The following TENM3 variants were observed in gnomAD, a reference collection of about 807,000 sequenced individuals.
TENM3 encodes the protein teneurin-3.
In TENM3, 63 loss-of-function variants were observed where a neutral mutation model predicts 255.1. That is an observed-to-expected ratio of 0.25 (90% CI 0.20 to 0.30). The LOEUF is 0.30. Among genes scored for constraint, TENM3 ranks in the 10% least tolerant of loss-of-function variants. TENM3 has a pLI of 1.00. For missense variants in TENM3, 2,929 were observed against 3,461.1 expected, an observed-to-expected ratio of 0.85 and a Z score of 3.86; for synonymous variants, 1,306 against 1,322.3, an observed-to-expected ratio of 0.99 and a Z score of 0.27.
intron 1 of TENM3, among the ~76,000 whole-genome samples, chr4:182,264,172 T>C (rs949924439): frequency 6.6e-6 from 1 of 152,224 alleles, no homozygotes; most frequent in Non-Finnish European, 1.5e-5. Flanking sequence ...GAAAAAGAAT[T>C]CTAAGGCTAG....
chr4:182,382,520 A>G (rs1767643816), intron 3 of TENM3, among the ~76,000 whole-genome samples: 2 of 152,206 alleles, frequency 1.3e-5, no homozygotes, highest in East Asian at 1.9e-4. Context: ...TTAGAGAACC[A>G]TGGGCTAAAT....
At chr4:182,084,532 T>C in the TENM3 span, among the ~76,000 whole-genome samples, 4 of 152,306 alleles carry the variant, frequency 2.6e-5, no homozygotes, top group African/African-American at 9.6e-5. Context: ...TTGGCTAAAA[T>C]ATTGCACCTC....
intron 3 of TENM3, among the ~76,000 whole-genome samples, chr4:182,383,889 C>A (rs566980282): frequency 6.6e-6 from 1 of 152,324 alleles, no homozygotes; most frequent in South Asian, 2.1e-4. Flanking sequence ...AGCAGCGGTT[C>A]TACCCTAAGA....
the TENM3 span, among the ~76,000 whole-genome samples, chr4:182,107,985 C>A: frequency 6.6e-6 from 1 of 152,128 alleles, no homozygotes; most frequent in Non-Finnish European, 1.5e-5. Context: ...TTTGTTTTGA[C>A]ATTTTTCTGT....
the TENM3 span, among the ~76,000 whole-genome samples, chr4:181,586,733 G>A: frequency 2.6e-4 from 40 of 152,186 alleles, no homozygotes; most frequent in South Asian, 7.9e-3. Flanking sequence ...CTAGCTACTC[G>A]GGAGGCCAAG....
chr4:182,390,257 A>C (rs1279383496), intron 3 of TENM3, among the ~76,000 whole-genome samples: 1 of 152,182 alleles, frequency 6.6e-6, no homozygotes, highest in South Asian at 2.1e-4. Flanking sequence ...GCCCAGTCCC[A>C]GTGTTTTAAA....
At chr4:181,499,098 A>G in the TENM3 span, among the ~76,000 whole-genome samples, 13 of 152,280 alleles carry the variant, frequency 8.5e-5, no homozygotes, top group East Asian at 2.3e-3. Context: ...TCAGTTCCCA[A>G]TAATAGATAA....
the TENM3 span, among the ~76,000 whole-genome samples, chr4:181,590,724 A>G: frequency 6.6e-6 from 1 of 152,356 alleles, no homozygotes; most frequent in East Asian, 1.9e-4. Context: ...CAAGGAGTTC[A>G]CAGAGAAATT....
At chr4:182,712,291 C>G (rs1473993917) in intron 12 of TENM3, among the ~76,000 whole-genome samples, 1 of 152,088 alleles carries the variant, frequency 6.6e-6, no homozygotes, top group Admixed American at 6.5e-5. Context: ...TACCTACTTT[C>G]TATTCCTTGT....
At chr4:181,710,348 G>C in the TENM3 span, among the ~76,000 whole-genome samples, 5 of 152,066 alleles carry the variant, frequency 3.3e-5, no homozygotes, top group Admixed American at 3.3e-4. Flanking sequence ...AAATGCTGAC[G>C]AGGACCAAAT....
the TENM3 span, among the ~76,000 whole-genome samples, chr4:182,042,951 C>T: frequency 6.6e-6 from 1 of 150,648 alleles, no homozygotes; most frequent in Admixed American, 6.6e-5. Context: ...GAGTTTTTTG[C>T]TATTCCATTT....
chr4:181,843,460 G>T, the TENM3 span, among the ~76,000 whole-genome samples: 145,181 of 152,242 alleles, frequency 0.95, 69,599 homozygotes, highest in East Asian at 1. Context: ...CTTGTGAGGC[G>T]CCAGTATACT....
At chr4:181,558,744 C>T in the TENM3 span, among the ~76,000 whole-genome samples, 6 of 152,202 alleles carry the variant, frequency 3.9e-5, no homozygotes, top group African/African-American at 7.2e-5. Flanking sequence ...AGCTATATCA[C>T]CAACTGCAAT....
At chr4:182,627,909 A>G (rs1750982839) in intron 4 of TENM3, among the ~76,000 whole-genome samples, 3 of 152,146 alleles carry the variant, frequency 2.0e-5, no homozygotes, top group Admixed American at 6.5e-5. Flanking sequence ...TGGTTAGGGA[A>G]TGTTTCCGTA....
intron 12 of TENM3, among the ~76,000 whole-genome samples, chr4:182,704,481 G>T (rs1186013738): frequency 6.6e-6 from 1 of 152,220 alleles, no homozygotes; most frequent in African/African-American, 2.4e-5. Flanking sequence ...TTTCAGCAGT[G>T]CTGACTTTAT....
the TENM3 span, among the ~76,000 whole-genome samples, chr4:182,064,777 T>C: frequency 6.6e-6 from 1 of 152,054 alleles, no homozygotes; most frequent in Non-Finnish European, 1.5e-5. Context: ...GGGTCTGACA[T>C]GGGCATAGAA....
At chr4:181,928,785 A>T in the TENM3 span, among the ~76,000 whole-genome samples, 6 of 152,168 alleles carry the variant, frequency 3.9e-5, no homozygotes, top group Non-Finnish European at 7.4e-5. Context: ...AGCGAGTAAG[A>T]TCGGGTTACC....
chr4:182,295,110 T>C (rs1007306763), intron 1 of TENM3, among the ~76,000 whole-genome samples: 2 of 152,136 alleles, frequency 1.3e-5, no homozygotes, highest in South Asian at 4.1e-4. Flanking sequence ...TAAATGATTT[T>C]ACATGCATTC....
intron 24 of TENM3, among the ~76,000 whole-genome samples, chr4:182,787,752 A>G (rs1256383241): frequency 1.4e-4 from 21 of 151,236 alleles, no homozygotes; most frequent in African/African-American, 5.1e-4. Context: ...AAAAAAAAAA[A>G]AAAAAAAAAA....
Sources: gnomAD v4.1 joint callset for allele counts (sites outside exome capture counted in the v4.1 genomes callset) on GRCh38, gnomAD v4.1.1 for gene constraint, MANE v1.5 for transcripts, NCBI Gene and HGNC (gene_info 2026-07-23, HGNC 2026-07-21) for gene names.